Variants in IRF2 observed in about 807,000 individuals in gnomAD.
IRF2 encodes the protein interferon regulatory factor 2.
IRF2 carries 15 observed loss-of-function variants against 40.6 expected under a neutral mutation model. The ratio of observed to expected loss-of-function variants is 0.37; its 90% CI spans 0.25 to 0.57. IRF2 has a LOEUF of 0.57. Among genes scored for constraint, IRF2 ranks in the 20% least tolerant of loss-of-function variants. The pLI, the probability that IRF2 is intolerant of heterozygous loss-of-function variation, is 0.77. For synonymous variants in IRF2, 151 were observed against 165.5 expected (o/e 0.91, Z 0.67); for missense variants, 317 against 455.7 (o/e 0.70, Z 2.77).
chr4:184,439,939 G>GA (rs1439733931), intron 1 of IRF2, among the ~76,000 whole-genome samples: 1 of 152,206 alleles, frequency 6.6e-6, no homozygotes, highest in East Asian at 1.9e-4. Context: ...AGCCTAACAA[G>GA]AACAGCAGCT....
At position 184,388,870 on chromosome 4, in the gene IRF2, A is replaced by T. The variant is rs374260341; in HGVS notation, c.938T>A (p.Leu313His). ...GGATGCTGGGGTCATGGAGGAAGAA[A>T]GGGGGAGGTCTTGAAAAGGGGGCCA... ...SSWPPFQDLP[L>H]SSSMTPASSS... The change falls in exon 9 of 9, where the codon CTT becomes CAT. Residue 313 changes from leucine to histidine, a missense_variant. Coordinates refer to ENST00000393593, the MANE Select transcript of IRF2 (RefSeq NM_002199.4). This position sits in a 1 kb window ranked among gnomAD's most constrained non-coding sequence, Gnocchi z 4.6. 3 of 1,613,826 alleles carry T rather than the reference A, an allele frequency of 1.9e-6. No homozygotes were observed. The highest frequency in any genetic ancestry group is 2.5e-6 in the Non-Finnish European group (3 of 1,179,988).
At chr4:184,412,379 C>A (rs759440714) in intron 5 of IRF2, among the ~76,000 whole-genome samples, 4 of 152,138 alleles carry the variant, frequency 2.6e-5, no homozygotes, top group Non-Finnish European at 5.9e-5. Context: ...CTCCCCTCTG[C>A]TCCGAGCCCA....
chr4:184,400,995 A>C (rs778776611), intron 6 of IRF2, among the ~76,000 whole-genome samples: 3 of 152,254 alleles, frequency 2.0e-5, no homozygotes, highest in Non-Finnish European at 4.4e-5. Context: ...ACCCATAAGG[A>C]TGACAGAGAA....
At chr4:184,435,428 AG>A (rs1213424666) in intron 1 of IRF2, among the ~76,000 whole-genome samples, 1 of 152,186 alleles carries the variant, frequency 6.6e-6, no homozygotes. Flanking sequence ...CTTAGCTGAG[AG>A]GGGGGTGGTG....
At position 184,440,603 on chromosome 4, in the gene IRF2, C is replaced by T. The variant is rs375807659; in HGVS notation, c.-6-11533G>A. ...GCAGCAGATGGGCGGCTGATCGCCTCATCTGAGCTCTCAGAGTCTCTGCCT... is the reference window on the plus strand; with the variant it reads ...GCAGCAGATGGGCGGCTGATCGCCTTATCTGAGCTCTCAGAGTCTCTGCCT... On this transcript the variant is annotated intron_variant, in intron 1 of 8. Coordinates refer to ENST00000393593, the MANE Select transcript of IRF2 (RefSeq NM_002199.4). Among the ~76,000 whole-genome samples, 53 of 152,374 alleles carry T rather than the reference C, an allele frequency of 3.5e-4. No homozygotes were observed. The East Asian group carries it at 4.4e-3, about 13-fold the overall frequency.
chr4:184,399,510 A>T (rs956972426), intron 6 of IRF2, among the ~76,000 whole-genome samples: 1 of 152,342 alleles, frequency 6.6e-6, no homozygotes, highest in Admixed American at 6.5e-5. Flanking sequence ...GGGTTCTACA[A>T]TCCAGGGAGA....
chr4:184,419,144 G>A (rs554859990), intron 3 of IRF2, among the ~76,000 whole-genome samples: 2 of 152,226 alleles, frequency 1.3e-5, no homozygotes, highest in African/African-American at 4.8e-5. Flanking sequence ...AGGTATTTCT[G>A]ACTACCTTTT....
At position 184,448,094 on chromosome 4, in the gene IRF2, A is replaced by G. The variant is rs891894788; in HGVS notation, c.-6-19024T>C. Among the ~76,000 whole-genome samples the G allele has an allele frequency of 5.9e-5, 9 of 152,156 alleles. No homozygotes were observed. The highest frequency in any genetic ancestry group is 1.3e-4 in the Non-Finnish European group (9 of 68,024). On this transcript the variant is annotated intron_variant, in intron 1 of 8. Transcript: ENST00000393593. This position sits in a 1 kb window ranked among gnomAD's most constrained non-coding sequence, Gnocchi z 4.3. Reference sequence around the variant, plus strand: ...TACTCTCCAAAGATGTAGAAAAATAATTCTTTGTACTATTGTTAAACTGTG... The same window carrying G: ...TACTCTCCAAAGATGTAGAAAAATAGTTCTTTGTACTATTGTTAAACTGTG...
At chr4:184,443,533 T>C (rs892128630) in intron 1 of IRF2, among the ~76,000 whole-genome samples, 1 of 152,216 alleles carries the variant, frequency 6.6e-6, no homozygotes, top group Non-Finnish European at 1.5e-5. Flanking sequence ...ATGCTTCTTA[T>C]TGTGAATGAT....
intron 6 of IRF2, among the ~76,000 whole-genome samples, chr4:184,406,711 C>T (rs1736869451): frequency 6.6e-6 from 1 of 152,138 alleles, no homozygotes; most frequent in South Asian, 2.1e-4. Flanking sequence ...ACCTTGAGTT[C>T]AAATGGGTGG....
At chr4:184,430,776 G>C (rs551639556) in intron 1 of IRF2, among the ~76,000 whole-genome samples, 1 of 152,192 alleles carries the variant, frequency 6.6e-6, no homozygotes, top group African/African-American at 2.4e-5. Context: ...GCTCACTGCA[G>C]CCTCAACCTC....
chr4:184,468,493 A>AT (rs1491169903), intron 1 of IRF2, among the ~76,000 whole-genome samples: 1 of 104,340 alleles, frequency 9.6e-6, no homozygotes, highest in African/African-American at 3.4e-5. Context: ...TTCTCAAAAA[A>AT]GAAAAAAAAA....
intron 1 of IRF2, among the ~76,000 whole-genome samples, chr4:184,461,267 A>G (rs932221900): frequency 4.6e-5 from 7 of 152,206 alleles, no homozygotes; most frequent in Non-Finnish European, 7.3e-5. Flanking sequence ...ACAAAACAAT[A>G]TGTTGTTCTA....
intron 1 of IRF2, among the ~76,000 whole-genome samples, chr4:184,473,773 C>T (rs1231373105): frequency 3.4e-5 from 5 of 148,554 alleles, no homozygotes; most frequent in Non-Finnish European, 7.4e-5. Flanking sequence ...TGGAGGCGCT[C>T]CTCCCGGCCG....
intron 1 of IRF2, among the ~76,000 whole-genome samples, chr4:184,458,966 TA>T (rs199864734): frequency 2.2e-4 from 32 of 148,594 alleles, no homozygotes; most frequent in East Asian, 7.7e-4. Flanking sequence ...ATTACGGCAA[TA>T]TTTTTTTTTC....
chr4:184,425,255 G>A (rs569689838), intron 2 of IRF2, among the ~76,000 whole-genome samples: 16 of 152,372 alleles, frequency 1.1e-4, no homozygotes, highest in Non-Finnish European at 2.2e-4. Context: ...TTGTGAATGG[G>A]AGGGAAGAAC....
Position 184,408,216 on chromosome 4 carries a change from C to A in IRF2, c.471G>T (p.Glu157Asp). The A allele has an allele frequency of 1.2e-6, 2 of 1,613,650 alleles. No homozygotes were observed. The highest frequency in any genetic ancestry group is 1.7e-6 in the Non-Finnish European group (2 of 1,179,494). Residue 157 changes from glutamate (E) to aspartate (D), a missense_variant, in exon 6 of 9, where the codon GAG (glutamate) becomes GAT (aspartate). By Grantham distance (45) the Glu-to-Asp change is conservative. Transcript: ENST00000393593. The surrounding 1 kb of genome is among the most constrained non-coding windows in gnomAD (Gnocchi z 4.9). ...TTATAGTTGAAGTCAGGACCGCATA[C>A]TCAGGAGAAAGATCACTTACTCCAT... ...LSNGVSDLSP[E>D]YAVLTSTIKN... is the part of the protein sequence containing the mutation.
At chr4:184,396,939 T>A (rs1388170739) in intron 7 of IRF2, among the ~76,000 whole-genome samples, 2 of 152,070 alleles carry the variant, frequency 1.3e-5, no homozygotes, top group African/African-American at 4.8e-5. Flanking sequence ...CCTATTTCTA[T>A]TAACAACAAC....
chr4:184,438,888 G>A (rs574688262), intron 1 of IRF2, among the ~76,000 whole-genome samples: 12 of 152,258 alleles, frequency 7.9e-5, no homozygotes, highest in South Asian at 2.1e-4. Flanking sequence ...ATGCGGCCAC[G>A]CTTCCTCCTG....
Sources: allele counts gnomAD v4.1 joint callset (sites outside exome capture counted in the v4.1 genomes callset), GRCh38; gene constraint gnomAD v4.1.1; non-coding constraint Gnocchi (gnomAD v3.1); transcripts MANE v1.5; gene names NCBI Gene and HGNC (gene_info 2026-07-23, HGNC 2026-07-21).